HDAC9: variants seen among roughly 807,000 people sequenced by gnomAD.
HDAC9 encodes the protein histone deacetylase 9, also known as MEF-2 interacting transcription repressor (MITR) protein.
Under a neutral mutation model 139.4 loss-of-function variants are expected in HDAC9, and 41 were observed. That is an observed-to-expected ratio of 0.29 (90% CI 0.23 to 0.38). The LOEUF (loss-of-function observed/expected upper bound fraction) is 0.38. HDAC9 is among the 10% of genes least tolerant of loss of function. HDAC9 has a pLI of 1.00. For synonymous variants in HDAC9, 517 were observed against 476.2 expected (o/e 1.09, Z -1.12); for missense variants, 1,147 against 1,297.0 (o/e 0.88, Z 1.78).
chr7:18,233,498 A>G (rs1432152729), intron 2 of HDAC9, among the ~76,000 whole-genome samples: 1 of 149,962 alleles, frequency 6.7e-6, no homozygotes, highest in Non-Finnish European at 1.5e-5. Context: ...ACCATTAATC[A>G]CTAAACTATG....
intron 12 of HDAC9, among the ~76,000 whole-genome samples, chr7:18,701,243 A>G (rs1365956212): frequency 6.6e-6 from 1 of 152,106 alleles, no homozygotes; most frequent in Non-Finnish European, 1.5e-5. Context: ...AGATAAGTGA[A>G]TCTTCTCCCA....
At chr7:18,470,700 C>A (rs1445484206) in intron 1 of HDAC9, among the ~76,000 whole-genome samples, 1 of 152,058 alleles carries the variant, frequency 6.6e-6, no homozygotes, top group Admixed American at 6.6e-5. Flanking sequence ...TGGCCATATT[C>A]CAGTAATACA....
rs2129032134 is a variant in HDAC9, at chr7:18,648,745, A to ACTG, written c.1467+63_1467+65dup. On this transcript the variant is annotated intron_variant, in intron 11 of 25. Transcript: ENST00000686413. ...CAGTTTGGAAATTGGGTATCTCTTC[A>ACTG]CTGATATGGGTGTCTAAGAGGAATG... is the stretch of plus-strand genomic sequence containing the variant. 3 of 1,352,150 alleles carry ACTG rather than the reference A, an allele frequency of 2.2e-6. No homozygotes were observed. The East Asian group carries it at 7.5e-5, about 34-fold the overall frequency. 83.8% of individuals were successfully genotyped at this position (1,352,150 alleles called of 1,614,324 possible).
intron 1 of HDAC9, among the ~76,000 whole-genome samples, chr7:18,128,457 C>A (rs553351133): frequency 6.6e-6 from 1 of 151,904 alleles, no homozygotes; most frequent in African/African-American, 2.4e-5. Context: ...GAATGATAGC[C>A]GAGGTCTTTA....
rs1783399286 is a variant in HDAC9, at chr7:18,700,594, CA to C, written c.1732-26982del. On this transcript the variant is annotated intron_variant, in intron 12 of 25. Transcript: ENST00000686413. ...CCTTTTGCTCTGTAACAAATCAGCC[CA>C]AAACATAATGAAAACAATAAACACG... 2.0e-5 allele frequency among the ~76,000 whole-genome samples: 3 copies of C among 152,254 alleles called. No individual in the cohort carries two copies. The South Asian group carries it at 6.2e-4, about 32-fold the overall frequency.
chr7:18,877,132 A>T (rs1427134502), intron 22 of HDAC9, among the ~76,000 whole-genome samples: 1 of 152,152 alleles, frequency 6.6e-6, no homozygotes, highest in Non-Finnish European at 1.5e-5. Context: ...AAAGCCTCAC[A>T]TCTGGGCAAC....
At chr7:18,480,926 C>T (rs1795499558) in intron 1 of HDAC9, among the ~76,000 whole-genome samples, 1 of 152,156 alleles carries the variant, frequency 6.6e-6, no homozygotes, top group Non-Finnish European at 1.5e-5. Context: ...TTGCTTATCT[C>T]AGTTCCTCGT....
chr7:18,399,759 C>A (rs1787369956), intron 1 of HDAC9, among the ~76,000 whole-genome samples: 1 of 152,172 alleles, frequency 6.6e-6, no homozygotes, highest in Non-Finnish European at 1.5e-5. Flanking sequence ...AATATCACAT[C>A]CCTCCTGTCT....
intron 12 of HDAC9, among the ~76,000 whole-genome samples, chr7:18,720,742 C>T: frequency 6.6e-6 from 1 of 151,330 alleles, no homozygotes. Context: ...AGTCCAGTGG[C>T]CTGATCGTGG....
chr7:18,486,629 G>C (rs1486891793), intron 1 of HDAC9, among the ~76,000 whole-genome samples: 1 of 152,102 alleles, frequency 6.6e-6, no homozygotes, highest in Non-Finnish European at 1.5e-5. Context: ...CATAGTTTCA[G>C]TATAGAAATG....
At chr7:18,458,974 T>A (rs1793597982) in intron 1 of HDAC9, 2 of 1,111,216 alleles carry the variant, frequency 1.8e-6, no homozygotes, top group East Asian at 5.2e-5. Context: ...GACTTCCTTT[T>A]CCAGGCTATT....
chr7:18,625,205 T>C (rs2128958361), intron 6 of HDAC9, among the ~76,000 whole-genome samples: 2 of 152,296 alleles, frequency 1.3e-5, no homozygotes, highest in Middle Eastern at 6.8e-3. Context: ...AAGTATAAAA[T>C]TTATTGAAAC....
At chr7:18,745,531 CTTTTTTTTTTTTTTT>C (rs565092002) in intron 13 of HDAC9, among the ~76,000 whole-genome samples, 1 of 90,486 alleles carries the variant, frequency 1.1e-5, no homozygotes, top group Non-Finnish European at 2.1e-5. Context: ...ACTCTCTACT[CTTTTTTTTTTTTTTT>C]TTTTTTTTTT....
At chr7:18,877,042 A>G (rs987574607) in intron 22 of HDAC9, among the ~76,000 whole-genome samples, 3 of 152,174 alleles carry the variant, frequency 2.0e-5, no homozygotes, top group Non-Finnish European at 4.4e-5. Context: ...AGAACATATT[A>G]GTGCCCATGA....
chr7:18,949,084 G>GT (rs1001530788), intron 23 of HDAC9: 151 of 338,088 alleles, frequency 4.5e-4, no homozygotes, highest in Middle Eastern at 2.2e-3. Context: ...TTTTGGGAGG[G>GT]TTTTTTTTCT....
intron 11 of HDAC9, among the ~76,000 whole-genome samples, chr7:18,661,183 G>A (rs897965399): frequency 6.6e-6 from 1 of 152,014 alleles, no homozygotes; most frequent in Non-Finnish European, 1.5e-5. Context: ...GCCAGGGCTT[G>A]CTCACAAATT....
Position 18,495,902 on chromosome 7 carries a change from G to C in HDAC9, c.-163G>C, listed in dbSNP as rs756300279. On this transcript the variant is annotated 5_prime_UTR_variant, in exon 1 of 26. Coordinates refer to ENST00000686413, the MANE Select transcript of HDAC9 (RefSeq NM_178425.4). ...GTGGGTAGACTTAATAATTTTCTAC[G>C]TATTCTGACAAAGAAATAACCCCGA... 12 of 1,182,062 alleles carry C rather than the reference G, an allele frequency of 1.0e-5. No homozygotes were observed. The highest frequency in any genetic ancestry group is 1.6e-5 in the African/African-American group (1 of 63,314). The allele number at this position is 1,182,062 out of a possible 1,614,324, so 73.2% of individuals were successfully genotyped here. A position where few individuals can be genotyped will look rare whatever the true frequency, so the allele number is the denominator to read the frequency against.
chr7:18,174,915 G>T (rs1037116357), intron 2 of HDAC9, among the ~76,000 whole-genome samples: 2 of 152,216 alleles, frequency 1.3e-5, no homozygotes, highest in South Asian at 4.1e-4. Flanking sequence ...GGCGGCCAGG[G>T]ACCCACTTGA....
In HDAC9 at chr7:18,630,959, A is replaced by G. The variant is rs561043859; in HGVS notation, c.796+1478A>G. On this transcript the variant is annotated intron_variant, in intron 7 of 25. Coordinates refer to ENST00000686413, the MANE Select transcript of HDAC9 (RefSeq NM_178425.4). ...TCTAACAGCAAAACTTCTAGAAAAG[A>G]CAAAACTGAATATAATGCTATTTTA... Among the ~76,000 whole-genome samples, 9 of 152,242 alleles carry G rather than the reference A, an allele frequency of 5.9e-5. No homozygotes were observed. In the East Asian group the frequency reaches 1.7e-3, roughly 29 times the overall value.
Sources: allele counts gnomAD v4.1 joint callset (sites outside exome capture counted in the v4.1 genomes callset), GRCh38; gene constraint gnomAD v4.1.1; transcripts MANE v1.5; gene names NCBI Gene and HGNC (gene_info 2026-07-23, HGNC 2026-07-21).